The following RYR3 variants were observed in gnomAD, a reference collection of about 807,000 sequenced individuals.
The protein encoded by RYR3 is brain ryanodine receptor-calcium release channel.
Under a neutral mutation model 584.3 loss-of-function variants are expected in RYR3, and 207 were observed. The ratio of observed to expected loss-of-function variants is 0.35; its 90% CI spans 0.32 to 0.40. RYR3 has a LOEUF of 0.40. RYR3 is among the 10% of genes least tolerant of loss of function. RYR3 has a pLI of 1.00. For synonymous variants in RYR3, 2,416 were observed against 2,248.5 expected, an observed-to-expected ratio of 1.07 and a Z score of -2.11; for missense variants, 5,616 against 6,089.2, an observed-to-expected ratio of 0.92 and a Z score of 2.59.
At chr15:33,414,385 A>G (rs1258697640) in intron 1 of RYR3, among the ~76,000 whole-genome samples, 3 of 152,124 alleles carry the variant, frequency 2.0e-5, no homozygotes, top group African/African-American at 7.2e-5. Flanking sequence ...ACCAAAGAGA[A>G]AAAAAGACTG....
intron 3 of RYR3, among the ~76,000 whole-genome samples, chr15:33,506,982 T>C (rs1161601142): frequency 6.6e-6 from 1 of 152,216 alleles, no homozygotes; most frequent in Non-Finnish European, 1.5e-5. Context: ...TGCATGCCAC[T>C]CCATTCTGTT....
chr15:33,355,877 G>C lies in RYR3; in HGVS notation c.51+44781G>C, dbSNP rs970477111. Among the ~76,000 whole-genome samples the C allele has an allele frequency of 3.3e-5, 5 of 152,150 alleles. No individual in the cohort carries two copies. In the East Asian group the frequency reaches 7.7e-4, roughly 23 times the overall value. On this transcript the variant is annotated intron_variant, in intron 1 of 103. Coordinates refer to ENST00000634891, the MANE Select transcript of RYR3 (RefSeq NM_001036.6). ...CGCCACACAATTCAGCTCAGTTATT[G>C]GCTTCTTTCTCCTTTTTCCTTTGAA...
At chr15:33,323,387 C>T (rs4271563) in intron 1 of RYR3, among the ~76,000 whole-genome samples, 14,463 of 152,058 alleles carry the variant, frequency 0.095, 1,296 homozygotes, top group African/African-American at 0.24. Context: ...GGATTACAGG[C>T]GTGAGCCACC....
In RYR3 at chr15:33,664,589, G is replaced by GTGTGTGTGTGTATATATATATATATATA. The variant is rs577496539; in HGVS notation, c.5619+853_5619+854insGTGTGTGTGTATATATATATATATATAT. On this transcript the variant is annotated intron_variant, in intron 36 of 103. Transcript: ENST00000634891. ...TATATAGATATATGTGTGTGTGTGT[G>GTGTGTGTGTGTATATATATATATATATA]TATATATATATATATATATATATAT... Among the ~76,000 whole-genome samples, 9 of 91,374 alleles carry GTGTGTGTGTGTATATATATATATATATA rather than the reference G, an allele frequency of 9.8e-5. No homozygotes were observed. The South Asian group carries it at 2.0e-3, about 20-fold the overall frequency. The allele number at this position is 91,374 out of a possible 152,430, so 59.9% of individuals were successfully genotyped here.
Position 33,603,307 on chromosome 15 carries a change from A to G in RYR3, c.2107A>G (p.Asn703Asp), listed in dbSNP as rs765043079. Residue 703 changes from asparagine to aspartate, a missense_variant, in exon 18 of 104, where the codon AAT becomes GAT. Asn to Asp is a conservative substitution (Grantham distance 23). Transcript: ENST00000634891. ...AGGAGGTGGAGAAGGATGGGGAGGC[A>G]ATGGTGTTGGTGACGACCTGTACTC... ...YPGGGEGWGG[N>D]GVGDDLYSYG... is the part of the protein sequence containing the mutation. 12 of 1,613,480 alleles carry G rather than the reference A, an allele frequency of 7.4e-6. No homozygotes were observed. The South Asian group carries it at 1.3e-4, about 18-fold the overall frequency.
chr15:33,522,346 C>CCTTT (rs1217815098), intron 3 of RYR3, among the ~76,000 whole-genome samples: 1 of 152,178 alleles, frequency 6.6e-6, no homozygotes, highest in Non-Finnish European at 1.5e-5. Flanking sequence ...GGTGTCGCCC[C>CCTTT]CTTTCAAGCA....
intron 36 of RYR3, among the ~76,000 whole-genome samples, chr15:33,666,395 T>C (rs2063495669): frequency 6.6e-6 from 1 of 152,134 alleles, no homozygotes; most frequent in Admixed American, 6.5e-5. Flanking sequence ...ATACTGCTGG[T>C]CTGAGAATAA....
At chr15:33,861,998 A>T (rs1205527482) in intron 102 of RYR3, among the ~76,000 whole-genome samples, 1 of 152,048 alleles carries the variant, frequency 6.6e-6, no homozygotes, top group Non-Finnish European at 1.5e-5. Context: ...CACTTATTCT[A>T]CGGTAAAGCA....
intron 1 of RYR3, among the ~76,000 whole-genome samples, chr15:33,380,591 C>T (rs2041111541): frequency 6.6e-6 from 1 of 152,186 alleles, no homozygotes; most frequent in Non-Finnish European, 1.5e-5. Context: ...CACTTAGTAT[C>T]AATGCCAAGG....
intron 2 of RYR3, among the ~76,000 whole-genome samples, chr15:33,496,226 G>A (rs927154910): frequency 3.9e-5 from 6 of 152,164 alleles, no homozygotes; most frequent in African/African-American, 1.2e-4. Context: ...GTGGTGTCAC[G>A]GAGCAAATGC....
At chr15:33,589,196 C>T (rs1257302587) in intron 16 of RYR3, among the ~76,000 whole-genome samples, 7 of 152,192 alleles carry the variant, frequency 4.6e-5, no homozygotes, top group Admixed American at 2.0e-4. Context: ...TTAGTTTGCA[C>T]TTCGCTGATG....
At chr15:33,360,990 C>A (rs1225460646) in intron 1 of RYR3, among the ~76,000 whole-genome samples, 1 of 152,168 alleles carries the variant, frequency 6.6e-6, no homozygotes, top group Non-Finnish European at 1.5e-5. Context: ...CTCTCAGCAC[C>A]GAGCAGTAAT....
At chr15:33,673,982 G>A (rs1239807519) in intron 38 of RYR3, among the ~76,000 whole-genome samples, 2 of 152,106 alleles carry the variant, frequency 1.3e-5, no homozygotes, top group Non-Finnish European at 2.9e-5. Flanking sequence ...GTTACCTCTC[G>A]CAGAGATTAG....
chr15:33,461,845 GAGCTTAATGTATA>G (rs1406344485), intron 1 of RYR3, among the ~76,000 whole-genome samples: 3 of 152,182 alleles, frequency 2.0e-5, no homozygotes, highest in African/African-American at 7.2e-5. Context: ...AAGCCTGTCT[GAGCTTAATGTATA>G]AGCTGGGCTC....
At chr15:33,799,108 T>C (rs1362266151) in intron 67 of RYR3, among the ~76,000 whole-genome samples, 2 of 152,192 alleles carry the variant, frequency 1.3e-5, no homozygotes, top group Non-Finnish European at 2.9e-5. Flanking sequence ...TATTTCGATA[T>C]AATAAATATG....
At chr15:33,338,250 TAGG>T (rs947693152) in intron 1 of RYR3, among the ~76,000 whole-genome samples, 1 of 152,236 alleles carries the variant, frequency 6.6e-6, no homozygotes, top group East Asian at 1.9e-4. Flanking sequence ...CGGCCCATTT[TAGG>T]AGATTTATTT....
In RYR3 at chr15:33,548,117, A is replaced by G. The variant is rs1316033473; in HGVS notation, c.741-13A>G. The stretch of plus-strand genomic sequence containing the variant: ...TCATGCAAGTAGGAGCTGATCTCCA[A>G]CTCTGCTCACAGGAGGATATTCTAC... On this transcript the variant is annotated splice_polypyrimidine_tract_variant and intron_variant, in intron 8 of 103. Coordinates refer to ENST00000634891, the MANE Select transcript of RYR3 (RefSeq NM_001036.6). 2 of 1,606,146 alleles carry G rather than the reference A, an allele frequency of 1.2e-6. No individual in the cohort carries two copies. The highest frequency in any genetic ancestry group is 1.7e-6 in the Non-Finnish European group (2 of 1,174,532).
In RYR3 at chr15:33,372,729, C is replaced by A. The variant is rs553429105; in HGVS notation, c.51+61633C>A. The stretch of plus-strand genomic sequence containing the variant: ...CCATGTTGCCCAGGCTGGTCTCGAA[C>A]TCCTGAGCTCAGGCAATCCACCCAC... On this transcript the variant is annotated intron_variant, in intron 1 of 103. Coordinates refer to ENST00000634891, the MANE Select transcript of RYR3 (RefSeq NM_001036.6). Among the ~76,000 whole-genome samples, 22 of 152,142 alleles carry A rather than the reference C, an allele frequency of 1.4e-4. No homozygotes were observed. In the South Asian group the frequency reaches 4.6e-3, roughly 32 times the overall value.
At chr15:33,845,678 A>T (rs2078681190) in intron 93 of RYR3, among the ~76,000 whole-genome samples, 1 of 152,194 alleles carries the variant, frequency 6.6e-6, no homozygotes, top group African/African-American at 2.4e-5. Flanking sequence ...AATTTCATAG[A>T]ACTAGAGTCA....
Sources: gnomAD v4.1 joint callset for allele counts (sites outside exome capture counted in the v4.1 genomes callset) on GRCh38, gnomAD v4.1.1 for gene constraint, MANE v1.5 for transcripts, NCBI Gene and HGNC (gene_info 2026-07-23, HGNC 2026-07-21) for gene names.